NECTIN1: variants seen among roughly 807,000 people sequenced by gnomAD.
The protein encoded by NECTIN1 is nectin-1.
A neutral mutation model predicts 48.0 loss-of-function variants in NECTIN1; 23 were observed. The observed-to-expected ratio is 0.48, with a 90% CI of 0.34 to 0.68. The LOEUF (loss-of-function observed/expected upper bound fraction) is 0.68, where lower values mean the gene tolerates loss of function less well. Ranked by LOEUF, NECTIN1 falls within the 30% of genes least tolerant of loss-of-function variation. The pLI is 0.01. For missense variants in NECTIN1, 591 were observed against 709.9 expected, an observed-to-expected ratio of 0.83 and a Z score of 1.90; for synonymous variants, 270 against 288.9, an observed-to-expected ratio of 0.93 and a Z score of 0.66.
At chr11:119,645,100 C>A (rs562559081) in intron 5 of NECTIN1, among the ~76,000 whole-genome samples, 1 of 17,450 alleles carries the variant, frequency 5.7e-5, no homozygotes, top group Admixed American at 1.3e-3. Context: ...TCCTCTGATG[C>A]AGGCCACAGG....
At chr11:119,721,476 T>G (rs1565405010) in intron 1 of NECTIN1, among the ~76,000 whole-genome samples, 1 of 152,260 alleles carries the variant, frequency 6.6e-6, no homozygotes, top group Admixed American at 6.5e-5. Flanking sequence ...GCTGTGTCCC[T>G]GTGGAGCCAC....
At position 119,677,443 on chromosome 11, in the gene NECTIN1, G is replaced by A. The variant is rs1054100055; in HGVS notation, c.733+112C>T. ...CAAAGGGAGGAGATAGGGGAGACAG[G>A]AGGGGAGAAGAAAGCACCCCCAGAA... On this transcript the variant is annotated intron_variant, in intron 3 of 5. Transcript: ENST00000264025. This position sits in a 1 kb window ranked among gnomAD's most constrained non-coding sequence, Gnocchi z 5.4. 4.0e-6 allele frequency: 5 copies of A among 1,241,194 alleles called. No homozygotes were observed. The highest frequency in any genetic ancestry group is 3.7e-5 in the South Asian group (3 of 82,006). The allele number at this position is 1,241,194 out of a possible 1,614,324, so 76.9% of individuals were successfully genotyped here.
chr11:119,728,639 C>G lies in NECTIN1; in HGVS notation c.-86G>C. 2 of 602,302 alleles carry G rather than the reference C, an allele frequency of 3.3e-6. No homozygotes were observed. The highest frequency in any genetic ancestry group is 4.6e-6 in the Non-Finnish European group (2 of 436,578). 37.3% of individuals were successfully genotyped at this position (602,302 alleles called of 1,614,324 possible). ...CAGCCCGGAAGATGAGGGAAGATCG[C>G]TGGCGGTCGGCGGGCGCTCGAAGGA... On this transcript the variant is annotated 5_prime_UTR_variant, in exon 1 of 6. Transcript: ENST00000264025.
intron 5 of NECTIN1, chr11:119,642,102 T>G (rs563459791): frequency 3.3e-5 from 5 of 152,320 alleles, no homozygotes; most frequent in African/African-American, 9.6e-5. Context: ...GTGCCTGGCA[T>G]GCAGAAGTGC....
rs1020137451 is a variant in NECTIN1 at position 119,664,110 on chromosome 11, A to G, written c.*637T>C. ...GGGCCAATGAGGAAAAAAAATGTAA[A>G]ACCACCCTCAGCAGGAAAACACTGC... On this transcript the variant is annotated 3_prime_UTR_variant, in exon 6 of 6. Transcript: ENST00000264025. The G allele has an allele frequency of 3.0e-6, 3 of 985,744 alleles. No individual in the cohort carries two copies. In the African/African-American group the frequency reaches 5.2e-5, roughly 17 times the overall value. 61.1% of individuals were successfully genotyped at this position (985,744 alleles called of 1,614,324 possible). A position where few individuals can be genotyped will look rare whatever the true frequency, so the allele number is the denominator to read the frequency against.
intron 4 of NECTIN1, among the ~76,000 whole-genome samples, chr11:119,676,534 CA>C (rs1483925244): frequency 1.3e-5 from 2 of 152,228 alleles, no homozygotes; most frequent in East Asian, 3.9e-4. Flanking sequence ...GCCTTGGCCC[CA>C]GCTGTCAGAG....
intron 6 of NECTIN1, chr11:119,638,841 G>C: frequency 6.4e-7 from 1 of 1,568,176 alleles, no homozygotes; most frequent in South Asian, 1.1e-5. Flanking sequence ...CAGCACAGGA[G>C]CACACATGGG....
Position 119,677,389 on chromosome 11 carries a change from G to A in NECTIN1, c.733+166C>T, listed in dbSNP as rs533249191. On this transcript the variant is annotated intron_variant, in intron 3 of 5. Transcript: ENST00000264025. This position sits in a 1 kb window ranked among gnomAD's most constrained non-coding sequence, Gnocchi z 5.4. ...CAGAGCCCGGGAGTGGAAACAGGAG[G>A]GCGACAGGGAAGGAGGAGAGAAAAC... 6.6e-6 allele frequency among the ~76,000 whole-genome samples: 1 copy of A among 152,150 alleles called. No homozygotes were observed. The highest frequency in any genetic ancestry group is 1.9e-4 in the East Asian group (1 of 5,166).
rs1017583552 is a variant in NECTIN1, at chr11:119,661,967, T to G, written c.*2780A>C. 30 of 985,270 alleles carry G rather than the reference T, an allele frequency of 3.0e-5. No individual in the cohort carries two copies. The highest frequency in any genetic ancestry group is 3.6e-5 in the Non-Finnish European group (30 of 829,916). 61.0% of individuals were successfully genotyped at this position (985,270 alleles called of 1,614,324 possible). The stretch of plus-strand genomic sequence containing the variant: ...GTGTTCACCTACTCTGTGCTGCTGC[T>G]TTTCAGACCCTTCTGATAAAAGGGG... On this transcript the variant is annotated 3_prime_UTR_variant, in exon 6 of 6. Coordinates refer to ENST00000264025, the MANE Select transcript of NECTIN1 (RefSeq NM_002855.5).
chr11:119,662,258 C>T lies in NECTIN1; in HGVS notation c.*2489G>A. 1 of 985,632 alleles carries T rather than the reference C, an allele frequency of 1.0e-6. No homozygotes were observed. The highest frequency in any genetic ancestry group is 1.2e-6 in the Non-Finnish European group (1 of 829,958). 61.1% of individuals were successfully genotyped at this position (985,632 alleles called of 1,614,324 possible). A position where few individuals can be genotyped will look rare whatever the true frequency, so the allele number is the denominator to read the frequency against. On this transcript the variant is annotated 3_prime_UTR_variant, in exon 6 of 6. Coordinates refer to ENST00000264025, the MANE Select transcript of NECTIN1 (RefSeq NM_002855.5). The surrounding 1 kb of genome is among the most constrained non-coding windows in gnomAD (Gnocchi z 5.3). Reference sequence around the variant, plus strand: ...TTTGCCAGCTGGCTGTGTCTGTGGGCCCAGCAGTAGTGCCCACCTTCCCAC... The same window carrying T: ...TTTGCCAGCTGGCTGTGTCTGTGGGTCCAGCAGTAGTGCCCACCTTCCCAC...
At chr11:119,648,295 G>GTGATGC (rs779430874) in intron 5 of NECTIN1, among the ~76,000 whole-genome samples, 15 of 9,658 alleles carry the variant, frequency 1.6e-3, no homozygotes, top group Non-Finnish European at 1.8e-3. Context: ...GGTGATGGTG[G>GTGATGC]TGGTGGTGGT....
chr11:119,662,470 G>A lies in NECTIN1; in HGVS notation c.*2277C>T, dbSNP rs1864683789. The A allele has an allele frequency of 8.1e-6, 8 of 985,724 alleles. No homozygotes were observed. Among genetic ancestry groups the A allele is most frequent in the Non-Finnish European group, 9.6e-6 (8 of 830,002 alleles). 61.1% of individuals were successfully genotyped at this position (985,724 alleles called of 1,614,324 possible). ...AATTTGTGCTTTGCTTGTGGGGAGG[G>A]TGTGGAGGTGTCTTAAGGGGGAACT... On this transcript the variant is annotated 3_prime_UTR_variant, in exon 6 of 6. Transcript: ENST00000264025. The surrounding 1 kb of genome is among the most constrained non-coding windows in gnomAD (Gnocchi z 5.3).
chr11:119,689,443 G>T (rs979058371), intron 1 of NECTIN1, among the ~76,000 whole-genome samples: 3 of 152,200 alleles, frequency 2.0e-5, no homozygotes, highest in African/African-American at 7.2e-5. Context: ...CATGCCCCAG[G>T]CACCTCCTGC....
At chr11:119,657,614 TAA>T (rs58262698), downstream of NECTIN1, among the ~76,000 whole-genome samples, 7 of 37,688 alleles carry the variant, frequency 1.9e-4, no homozygotes, top group Non-Finnish European at 2.9e-4. Flanking sequence ...ACTTTGTCTT[TAA>T]AAAAAAAAAA....
Position 119,665,361 on chromosome 11 carries a change from G to T in NECTIN1, c.1004-64C>A, listed in dbSNP as rs1864748508. The T allele has an allele frequency of 6.6e-7, 1 of 1,504,784 alleles. No individual in the cohort carries two copies. Among genetic ancestry groups the T allele is most frequent in the Admixed American group, 2.1e-5 (1 of 47,538 alleles). The allele number at this position is 1,504,784 out of a possible 1,614,324, so 93.2% of individuals were successfully genotyped here. ...TGTGCTCCTGGGGTGTAGAGGGGGT[G>T]GGAGGGAGGCAGGGAAAGGAGAGGC... On this transcript the variant is annotated intron_variant, in intron 5 of 5. Transcript: ENST00000264025. This position sits in a 1 kb window ranked among gnomAD's most constrained non-coding sequence, Gnocchi z 5.1.
At position 119,665,179 on chromosome 11, in the gene NECTIN1, G is replaced by C; in HGVS notation, c.1122C>G (p.Ile374Met). The change falls in exon 6 of 6, where the codon ATC becomes ATG. Residue 374 changes from isoleucine to methionine, a missense_variant. By Grantham distance (10) the Ile-to-Met change is conservative. Coordinates refer to ENST00000264025, the MANE Select transcript of NECTIN1 (RefSeq NM_002855.5). The surrounding 1 kb of genome is among the most constrained non-coding windows in gnomAD (Gnocchi z 5.1). ...ILLVLIVVGG[I>M]VVALRRRRHT... ...GCCGGCGCCGACGCAGGGCGACCAC[G>C]ATCCCGCCGACCACAATCAACACCA... is the stretch of plus-strand genomic sequence containing the variant. 1 of 1,610,048 alleles carries C rather than the reference G, an allele frequency of 6.2e-7. No individual in the cohort carries two copies. The highest frequency in any genetic ancestry group is 1.1e-5 in the South Asian group (1 of 91,068).
chr11:119,662,693 C>T lies in NECTIN1; in HGVS notation c.*2054G>A. 1 of 985,642 alleles carries T rather than the reference C, an allele frequency of 1.0e-6. No homozygotes were observed. The allele number at this position is 985,642 out of a possible 1,614,324, so 61.1% of individuals were successfully genotyped here. A position where few individuals can be genotyped will look rare whatever the true frequency, so the allele number is the denominator to read the frequency against. ...CAGAGTGTTGTAAGGTGGGATGGGG[C>T]AGTGATGTAATGTGGAAAAGGTCCC... On this transcript the variant is annotated 3_prime_UTR_variant, in exon 6 of 6. Transcript: ENST00000264025. This position sits in a 1 kb window ranked among gnomAD's most constrained non-coding sequence, Gnocchi z 5.3.
downstream of NECTIN1, among the ~76,000 whole-genome samples, chr11:119,659,504 A>T (rs1864626082): frequency 6.6e-6 from 1 of 152,166 alleles, no homozygotes; most frequent in South Asian, 2.1e-4. Context: ...GGAGGGATGG[A>T]GGCAAGGGTT....
In NECTIN1 at chr11:119,677,927, C is replaced by T. The variant is rs183024676; in HGVS notation, c.431-70G>A. The T allele has an allele frequency of 3.2e-4, 484 of 1,502,118 alleles. 1 individual carries two copies. The African/African-American group carries it at 5.8e-3, about 18-fold the overall frequency. 93.0% of individuals were successfully genotyped at this position (1,502,118 alleles called of 1,614,324 possible). A position where few individuals can be genotyped will look rare whatever the true frequency, so the allele number is the denominator to read the frequency against. On this transcript the variant is annotated intron_variant, in intron 2 of 5. Transcript: ENST00000264025. The surrounding 1 kb of genome is among the most constrained non-coding windows in gnomAD (Gnocchi z 5.4). ...GTCCAAGATGCACCGGCCAAAAGGG[C>T]GTGGCATCCGTCAGGCCTTGTCTTC...
Sources: allele counts gnomAD v4.1 joint callset (sites outside exome capture counted in the v4.1 genomes callset), GRCh38; gene constraint gnomAD v4.1.1; non-coding constraint Gnocchi (gnomAD v3.1); transcripts MANE v1.5; gene names NCBI Gene and HGNC (gene_info 2026-07-23, HGNC 2026-07-21).